The following SNED1 variants were observed in gnomAD, a reference collection of about 807,000 sequenced individuals.
SNED1 encodes sushi, nidogen and EGF like domains 1, also known as sushi, nidogen and EGF-like domain-containing protein 1.
Under a neutral mutation model 166.7 loss-of-function variants are expected in SNED1, and 81 were observed. The ratio of observed to expected loss-of-function variants is 0.49; its 90% CI spans 0.41 to 0.58. SNED1 has a LOEUF of 0.58. SNED1 is among the 20% of genes least tolerant of loss of function. The pLI is 0.00. For missense variants in SNED1, 1,604 were observed against 2,000.2 expected (o/e 0.80, Z 3.78); for synonymous variants, 762 against 822.0 (o/e 0.93, Z 1.25).
At position 241,052,340 on chromosome 2, in the gene SNED1, C is replaced by T. The variant is rs1443654374; in HGVS notation, c.1970-15C>T. The T allele has an allele frequency of 5.1e-6, 8 of 1,563,522 alleles. No individual in the cohort carries two copies. In the Admixed American group the frequency reaches 1.2e-4, roughly 24 times the overall value. On this transcript the variant is annotated splice_polypyrimidine_tract_variant and intron_variant, in intron 14 of 31. Coordinates refer to ENST00000310397, the MANE Select transcript of SNED1 (RefSeq NM_001080437.3). ...GGGAAGACACAGTGGCCAGGACCTT[C>T]CTGCATTCTGGCAGCCCCCTCCCCC...
At chr2:241,038,876 G>A (rs910419072) in intron 6 of SNED1, among the ~76,000 whole-genome samples, 3 of 152,208 alleles carry the variant, frequency 2.0e-5, no homozygotes, top group African/African-American at 7.2e-5. Context: ...GGGTGACTGG[G>A]CAGAGCTTCC....
chr2:241,067,073 C>T (rs1273782900), intron 21 of SNED1, among the ~76,000 whole-genome samples: 1 of 152,232 alleles, frequency 6.6e-6, no homozygotes, highest in East Asian at 1.9e-4. Flanking sequence ...CAAGGCCGCC[C>T]CATGTGAGAT....
chr2:241,012,444 C>T (rs1029947525), intron 1 of SNED1, among the ~76,000 whole-genome samples: 5 of 152,262 alleles, frequency 3.3e-5, no homozygotes, highest in African/African-American at 1.2e-4. Context: ...CCTGTGAAAG[C>T]GCCTTCTCAC....
In SNED1 at chr2:241,067,849, T is replaced by C. The variant is rs973798036; in HGVS notation, c.3096T>C (p.His1032=). The C allele has an allele frequency of 6.2e-7, 1 of 1,613,310 alleles. No homozygotes were observed. The highest frequency in any genetic ancestry group is 8.5e-7 in the Non-Finnish European group (1 of 1,179,836). ...SVQWALHRIR[H]ATVSGVRVSI... ...AGTGGGCCCTGCACAGGATCCGCCA[T>C]GCCACCGTCAGTGGGGTCCGTGTGT... The change falls in exon 22 of 32, where the codon CAT becomes CAC. Residue 1032 remains histidine (H), a synonymous_variant. Transcript: ENST00000310397.
intron 6 of SNED1, among the ~76,000 whole-genome samples, chr2:241,039,639 C>G (rs1254782858): frequency 1.3e-5 from 2 of 152,128 alleles, no homozygotes; most frequent in Admixed American, 6.5e-5. Flanking sequence ...GCCTGCCCCA[C>G]CCAGCCTCTC....
intron 1 of SNED1, among the ~76,000 whole-genome samples, chr2:241,012,563 A>G (rs2060444279): frequency 6.6e-6 from 1 of 152,136 alleles, no homozygotes; most frequent in Non-Finnish European, 1.5e-5. Context: ...ACCACAGGCT[A>G]TTTGTTTTAC....
chr2:241,023,206 T>A (rs2060821775), intron 1 of SNED1, among the ~76,000 whole-genome samples: 1 of 152,158 alleles, frequency 6.6e-6, no homozygotes, highest in Non-Finnish European at 1.5e-5. Context: ...GATACTAAAA[T>A]ATGCATGCAA....
chr2:241,090,399 C>T (rs1178191158), intron 31 of SNED1: 1 of 1,549,626 alleles, frequency 6.5e-7, no homozygotes, highest in East Asian at 2.4e-5. Context: ...GAAGGACCTG[C>T]CTGAGGCCAT....
chr2:241,019,487 GGGGGCA>G (rs1258362907), intron 1 of SNED1, among the ~76,000 whole-genome samples: 1 of 152,176 alleles, frequency 6.6e-6, no homozygotes. Flanking sequence ...TGGTGGTCCT[GGGGGCA>G]GGGGCAGGCG....
Position 240,999,995 on chromosome 2 carries a change from C to T in SNED1, c.213+945C>T, listed in dbSNP as rs894597394. On this transcript the variant is annotated intron_variant, in intron 1 of 31. Coordinates refer to ENST00000310397, the MANE Select transcript of SNED1 (RefSeq NM_001080437.3). This position sits in a 1 kb window ranked among gnomAD's most constrained non-coding sequence, Gnocchi z 5.8. ...TCAGCCCTCTCATACCCTCGCCCAC[C>T]TCCAGCCTCAACCCACTGCCAGCCA... Among the ~76,000 whole-genome samples, 4 of 152,158 alleles carry T rather than the reference C, an allele frequency of 2.6e-5. No homozygotes were observed. The highest frequency in any genetic ancestry group is 4.4e-5 in the Non-Finnish European group (3 of 68,018).
chr2:241,060,645 A>T (rs1391369200), intron 16 of SNED1, among the ~76,000 whole-genome samples: 1 of 141,164 alleles, frequency 7.1e-6, no homozygotes, highest in Non-Finnish European at 1.5e-5. Flanking sequence ...ATGTTTCTTT[A>T]AAAAAAAACT....
chr2:241,008,052 G>A (rs12992139), intron 1 of SNED1, among the ~76,000 whole-genome samples: 95,891 of 152,164 alleles, frequency 0.63, 31,746 homozygotes, highest in Non-Finnish European at 0.74. Flanking sequence ...GGGTGAAGGC[G>A]GCCGTACCAC....
At chr2:241,053,784 C>T (rs1344995443) in intron 16 of SNED1, among the ~76,000 whole-genome samples, 1 of 152,186 alleles carries the variant, frequency 6.6e-6, no homozygotes, top group African/African-American at 2.4e-5. Flanking sequence ...TGAGGTCCCA[C>T]CCCTGTCTGG....
chr2:241,040,738 C>T (rs2061500652), intron 8 of SNED1: 1 of 469,526 alleles, frequency 2.1e-6, no homozygotes, highest in African/African-American at 2.0e-5. Context: ...TCACAAGTCT[C>T]CTCTTCCAGC....
At position 241,057,380 on chromosome 2, in the gene SNED1, AATATATATATATATAT is replaced by A. The variant is rs57902432; in HGVS notation, c.2257+4071_2257+4086del. On this transcript the variant is annotated intron_variant, in intron 16 of 31. Coordinates refer to ENST00000310397, the MANE Select transcript of SNED1 (RefSeq NM_001080437.3). ...GGCGACGAGCAAAACTCCATCTCAA[AATATATATATATATAT>A]ATATATATATATATATGCCATACGC... 4.2e-5 allele frequency among the ~76,000 whole-genome samples: 5 copies of A among 118,132 alleles called. 1 individual carries two copies. Among genetic ancestry groups the A allele is most frequent in the African/African-American group, 1.5e-4 (4 of 26,144 alleles). The allele number at this position is 118,132 out of a possible 152,430, so 77.5% of individuals were successfully genotyped here. A position where few individuals can be genotyped will look rare whatever the true frequency, so the allele number is the denominator to read the frequency against.
chr2:241,065,836 G>A (rs1329321815), intron 21 of SNED1, among the ~76,000 whole-genome samples: 1 of 152,154 alleles, frequency 6.6e-6, no homozygotes, highest in Admixed American at 6.5e-5. Context: ...AGCCAAGAGT[G>A]GGAGCAGCAC....
Position 241,064,732 on chromosome 2 carries a change from CG to C in SNED1, c.2600-111del. The C allele has an allele frequency of 1.4e-6, 1 of 714,098 alleles. No homozygotes were observed. The highest frequency in any genetic ancestry group is 2.5e-4 in the Middle Eastern group (1 of 3,994). 44.2% of individuals were successfully genotyped at this position (714,098 alleles called of 1,614,324 possible). ...GAGGCAGTAGCTGTCCTGTGCCCCC[CG>C]CCCCTCCACACCCACGCAGGAGGGA... On this transcript the variant is annotated intron_variant, in intron 19 of 31. Coordinates refer to ENST00000310397, the MANE Select transcript of SNED1 (RefSeq NM_001080437.3). This position sits in a 1 kb window ranked among gnomAD's most constrained non-coding sequence, Gnocchi z 7.0.
At chr2:241,034,868 A>G in intron 4 of SNED1, 138 bp downstream of exon 4, 1 of 978,554 alleles carries the variant, frequency 1.0e-6, no homozygotes, top group South Asian at 1.8e-5. Context: ...AGCCCACCTC[A>G]GGCGTGTGAA....
intron 1 of SNED1, among the ~76,000 whole-genome samples, chr2:241,003,531 G>A (rs986546986): frequency 6.6e-6 from 1 of 152,236 alleles, no homozygotes; most frequent in Admixed American, 6.5e-5. Flanking sequence ...CCCTGACAGG[G>A]TGAGCCTTAG....
Sources: gnomAD v4.1 joint callset for allele counts (sites outside exome capture counted in the v4.1 genomes callset) on GRCh38, gnomAD v4.1.1 for gene constraint, Gnocchi (gnomAD v3.1) non-coding constraint, MANE v1.5 for transcripts, NCBI Gene and HGNC (gene_info 2026-07-23, HGNC 2026-07-21) for gene names.